SMARCAL1: variants seen among roughly 807,000 people sequenced by gnomAD.
SMARCAL1 encodes the protein ATP-driven annealing helicase.
Under a neutral mutation model 94.5 loss-of-function variants are expected in SMARCAL1, and 58 were observed. That is an observed-to-expected ratio of 0.61 (90% CI 0.50 to 0.76). SMARCAL1 has a LOEUF of 0.76. Ranked by LOEUF, SMARCAL1 falls within the 30% of genes least tolerant of loss-of-function variation. The pLI, the probability that SMARCAL1 is intolerant of heterozygous loss-of-function variation, is 0.00. For missense variants in SMARCAL1, 1,051 were observed against 1,177.9 expected (o/e 0.89, Z 1.58); for synonymous variants, 422 against 455.1 (o/e 0.93, Z 0.93).
At chr2:216,434,041 A>T (rs1160950197) in intron 8 of SMARCAL1, among the ~76,000 whole-genome samples, 2 of 148,660 alleles carry the variant, frequency 1.3e-5, no homozygotes, top group Admixed American at 6.7e-5. Context: ...GGGTCTCATT[A>T]TGTTGCCCAG....
rs1022100346 is a variant in SMARCAL1 at position 216,423,546 on chromosome 2, A to T, written c.1097-87A>T. 1.9e-5 allele frequency: 22 copies of T among 1,155,766 alleles called. No homozygotes were observed. In the African/African-American group the frequency reaches 3.2e-4, roughly 17 times the overall value. 71.6% of individuals were successfully genotyped at this position (1,155,766 alleles called of 1,614,324 possible). On this transcript the variant is annotated intron_variant, in intron 5 of 17. Transcript: ENST00000357276. ...CATTGTCTAAGCTGAATGGAAGTTT[A>T]TGAAACCAAGGAATAAATGAGTAAG...
chr2:216,464,359 C>T (rs938736974), intron 12 of SMARCAL1, among the ~76,000 whole-genome samples: 2 of 152,162 alleles, frequency 1.3e-5, no homozygotes, highest in Admixed American at 1.3e-4. Flanking sequence ...TGGATTCTTG[C>T]AATGGTTCTT....
chr2:216,438,600 G>A (rs534005296), intron 10 of SMARCAL1, 115 bp downstream of exon 10: 7 of 852,140 alleles, frequency 8.2e-6, no homozygotes, highest in Admixed American at 7.9e-5. Context: ...GTGGGCCATG[G>A]TCATGACTTG....
chr2:216,451,788 A>G (rs980615377), intron 12 of SMARCAL1, among the ~76,000 whole-genome samples: 2 of 152,254 alleles, frequency 1.3e-5, no homozygotes, highest in Non-Finnish European at 2.9e-5. Flanking sequence ...GCTATAATCT[A>G]CACCAGCTCT....
In SMARCAL1 at chr2:216,439,328, G is replaced by C. The variant is rs866812272; in HGVS notation, c.1710+843G>C. 1.1e-4 allele frequency among the ~76,000 whole-genome samples: 14 copies of C among 124,360 alleles called. 1 individual carries two copies. The highest frequency in any genetic ancestry group is 2.1e-4 in the African/African-American group (8 of 37,430). The allele number at this position is 124,360 out of a possible 152,430, so 81.6% of individuals were successfully genotyped here. ...CCTCCAAATTTCCTTCCATTATGGG[G>C]GGGGGGGATGATTTTTTTCCTATTA... On this transcript the variant is annotated intron_variant, in intron 10 of 17. Coordinates refer to ENST00000357276, the MANE Select transcript of SMARCAL1 (RefSeq NM_014140.4).
At chr2:216,468,114 G>A (rs1174026014) in intron 14 of SMARCAL1, 68 bp downstream of exon 14, 2 of 1,097,004 alleles carry the variant, frequency 1.8e-6, no homozygotes, top group African/African-American at 1.5e-5. Context: ...AGCAGGCTTA[G>A]GTCAGATCCA....
chr2:216,473,562 A>C (rs1695009965), intron 14 of SMARCAL1, among the ~76,000 whole-genome samples: 1 of 152,120 alleles, frequency 6.6e-6, no homozygotes, highest in South Asian at 2.1e-4. Flanking sequence ...ATAATGACAA[A>C]GGGCCATTAA....
At chr2:216,417,951 C>T (rs1574445896) in intron 4 of SMARCAL1, among the ~76,000 whole-genome samples, 1 of 152,064 alleles carries the variant, frequency 6.6e-6, no homozygotes, top group Non-Finnish European at 1.5e-5. Context: ...GACAGAGTCT[C>T]ACTCTGTCGC....
chr2:216,441,586 ATG>A (rs1343860928), intron 10 of SMARCAL1, among the ~76,000 whole-genome samples: 1 of 152,220 alleles, frequency 6.6e-6, no homozygotes, highest in Non-Finnish European at 1.5e-5. Flanking sequence ...AGTATCAGAC[ATG>A]CGGTTGTTTT....
intron 5 of SMARCAL1, among the ~76,000 whole-genome samples, chr2:216,422,311 C>A (rs1693741438): frequency 6.6e-6 from 1 of 152,148 alleles, no homozygotes; most frequent in Admixed American, 6.5e-5. Flanking sequence ...GCCTGGGATG[C>A]AGAGGTTGCA....
At chr2:216,432,977 C>G in intron 8 of SMARCAL1, 109 bp downstream of exon 8, 1 of 1,378,954 alleles carries the variant, frequency 7.3e-7, no homozygotes, top group Non-Finnish European at 1.0e-6. Flanking sequence ...GATCCTGTCT[C>G]AAGTAAAGGC....
chr2:216,414,541 G>T, intron 2 of SMARCAL1, 106 bp from the exon 3 acceptor site: 1 of 672,814 alleles, frequency 1.5e-6, no homozygotes. Flanking sequence ...TCCTTTAGTT[G>T]TGCTCATTAT....
chr2:216,432,592 G>A (rs770530705), intron 7 of SMARCAL1, 126 bp from the exon 8 acceptor site: 9 of 1,072,788 alleles, frequency 8.4e-6, no homozygotes, highest in Non-Finnish European at 1.4e-6. Context: ...GAGCAAGTCT[G>A]GTGGTGGGCT....
chr2:216,445,662 C>T lies in SMARCAL1; in HGVS notation c.1711-1356C>T, dbSNP rs284546. Among the ~76,000 whole-genome samples, 815 of 152,256 alleles carry T rather than the reference C, an allele frequency of 5.4e-3. 5 individuals carry two copies. The highest frequency in any genetic ancestry group is 0.018 in the African/African-American group (754 of 41,548). ...AAGCCAAGGCAAGCGATGCTACCAA[C>T]GTCAGCTCATTGTTATTTTAATGAG... On this transcript the variant is annotated intron_variant, in intron 10 of 17. Coordinates refer to ENST00000357276, the MANE Select transcript of SMARCAL1 (RefSeq NM_014140.4).
chr2:216,474,455 A>G (rs1574483490), intron 14 of SMARCAL1, among the ~76,000 whole-genome samples: 1 of 79,122 alleles, frequency 1.3e-5, no homozygotes, highest in African/African-American at 3.1e-5. Flanking sequence ...TGCATTCTTG[A>G]AAAAAAAAAA....
At chr2:216,445,691 G>T (rs1244865318) in intron 10 of SMARCAL1, among the ~76,000 whole-genome samples, 1 of 152,170 alleles carries the variant, frequency 6.6e-6, no homozygotes, top group African/African-American at 2.4e-5. Flanking sequence ...TAATGAGTCT[G>T]CATTAAACCG....
intron 15 of SMARCAL1, 51 bp from the exon 16 acceptor site, chr2:216,477,058 A>G (rs1302343335): frequency 1.4e-6 from 2 of 1,434,662 alleles, no homozygotes; most frequent in Non-Finnish European, 1.9e-6. Flanking sequence ...GCTATGGTGG[A>G]TGGAACTGCT....
At chr2:216,452,094 G>A (rs993157747) in intron 12 of SMARCAL1, among the ~76,000 whole-genome samples, 6 of 152,190 alleles carry the variant, frequency 3.9e-5, no homozygotes, top group Non-Finnish European at 7.3e-5. Flanking sequence ...AATTTATGCT[G>A]TATTACATAT....
In SMARCAL1 at chr2:216,483,014, A is replaced by G. The variant is rs755557504; in HGVS notation, c.*37A>G. The stretch of plus-strand genomic sequence containing the variant: ...AGAAAAAAATAAAAAGCATTTTAAA[A>G]TCATGGAATTGAAATAAAATAATGT... On this transcript the variant is annotated 3_prime_UTR_variant, in exon 18 of 18. Transcript: ENST00000357276. 1.9e-6 allele frequency: 3 copies of G among 1,608,056 alleles called. No individual in the cohort carries two copies. The highest frequency in any genetic ancestry group is 1.7e-5 in the Admixed American group (1 of 59,294).
Sources: allele counts gnomAD v4.1 joint callset (sites outside exome capture counted in the v4.1 genomes callset), GRCh38; gene constraint gnomAD v4.1.1; transcripts MANE v1.5; gene names NCBI Gene and HGNC (gene_info 2026-07-23, HGNC 2026-07-21).